The following GDA variants were observed in gnomAD, a reference collection of about 807,000 sequenced individuals.
GDA encodes guanine deaminase.
A neutral mutation model predicts 59.6 loss-of-function variants in GDA; 18 were observed. The ratio of observed to expected loss-of-function variants is 0.30; its 90% CI spans 0.21 to 0.45. The LOEUF is 0.45. Ranked by LOEUF, GDA falls within the 20% of genes least tolerant of loss-of-function variation. GDA has a pLI of 1.00. For synonymous variants in GDA, 201 were observed against 201.1 expected, an observed-to-expected ratio of 1.00 and a Z score of 0.00; for missense variants, 427 against 552.3, an observed-to-expected ratio of 0.77 and a Z score of 2.27.
intron 1 of GDA, among the ~76,000 whole-genome samples, chr9:72,140,380 G>A (rs1384294440): frequency 6.6e-6 from 1 of 152,178 alleles, no homozygotes; most frequent in African/African-American, 2.4e-5. Context: ...GAAGGGAAGA[G>A]CGGGAAAAGA....
intron 4 of GDA, 71 bp downstream of exon 4, chr9:72,210,845 T>G (rs1835267490): frequency 2.1e-6 from 2 of 954,828 alleles, no homozygotes; most frequent in Non-Finnish European, 3.4e-6. Flanking sequence ...AAACAACTTA[T>G]ATGTACTTTT....
chr9:72,117,910 T>C (rs1395913475), intron 1 of GDA, among the ~76,000 whole-genome samples: 4 of 152,048 alleles, frequency 2.6e-5, no homozygotes, highest in African/African-American at 9.7e-5. Context: ...ATTCTAGGGG[T>C]CTTTGTACTG....
chr9:72,117,560 A>G (rs1274440709), intron 1 of GDA, among the ~76,000 whole-genome samples: 1 of 152,190 alleles, frequency 6.6e-6, no homozygotes, highest in Non-Finnish European at 1.5e-5. Context: ...GGTTCTAGAT[A>G]TCACAAGGAG....
chr9:72,223,382 G>C (rs1398295300), intron 7 of GDA, among the ~76,000 whole-genome samples, 155 bp downstream of exon 7: 1 of 152,178 alleles, frequency 6.6e-6, no homozygotes, highest in Non-Finnish European at 1.5e-5. Flanking sequence ...GGAGAGAAAG[G>C]ACCCCTGTAG....
intron 11 of GDA, among the ~76,000 whole-genome samples, chr9:72,242,343 C>G (rs1232305968): frequency 6.6e-6 from 1 of 152,200 alleles, no homozygotes; most frequent in Non-Finnish European, 1.5e-5. Context: ...TTTCCCAATT[C>G]TCACGTGTAA....
chr9:72,119,215 C>T (rs1239729134), intron 1 of GDA, among the ~76,000 whole-genome samples: 1 of 152,058 alleles, frequency 6.6e-6, no homozygotes, highest in Non-Finnish European at 1.5e-5. Flanking sequence ...TAAATGTTAG[C>T]ATATTTGGGC....
downstream of GDA, among the ~76,000 whole-genome samples, chr9:72,258,523 G>A (rs759272049): frequency 1.3e-5 from 2 of 152,188 alleles, no homozygotes; most frequent in Non-Finnish European, 2.9e-5. Flanking sequence ...TACCACTGGG[G>A]GAGAGTCTTC....
intron 3 of GDA, among the ~76,000 whole-genome samples, chr9:72,209,764 A>T (rs999266670): frequency 6.6e-6 from 1 of 152,128 alleles, no homozygotes; most frequent in African/African-American, 2.4e-5. Flanking sequence ...GAAGGCAGTG[A>T]ATTTGGGTCC....
intron 1 of GDA, among the ~76,000 whole-genome samples, chr9:72,187,962 T>C (rs1343629559): frequency 6.6e-6 from 1 of 152,126 alleles, no homozygotes; most frequent in Non-Finnish European, 1.5e-5. Context: ...AAGGTGGAAT[T>C]TAAAAGTGAT....
chr9:72,140,365 A>T (rs1391398442), intron 1 of GDA, among the ~76,000 whole-genome samples: 1 of 152,030 alleles, frequency 6.6e-6, no homozygotes, highest in Non-Finnish European at 1.5e-5. Context: ...TGGAAGAGAG[A>T]AGGAGAAGGG....
intron 1 of GDA, among the ~76,000 whole-genome samples, chr9:72,174,121 G>A (rs1333962233): frequency 1.3e-5 from 2 of 152,078 alleles, no homozygotes; most frequent in East Asian, 3.9e-4. Flanking sequence ...ACACTTCAAG[G>A]TTCTCTGGAG....
At chr9:72,216,674 A>G (rs895899737) in intron 5 of GDA, among the ~76,000 whole-genome samples, 1 of 144,922 alleles carries the variant, frequency 6.9e-6, no homozygotes, top group African/African-American at 2.5e-5. Context: ...GAAGTAGGAA[A>G]AACTATTTTT....
chr9:72,198,261 C>T (rs976912886), intron 2 of GDA, among the ~76,000 whole-genome samples: 2 of 148,548 alleles, frequency 1.3e-5, no homozygotes, highest in East Asian at 2.0e-4. Context: ...AGGTGTGGGC[C>T]GGGTGCGGTG....
intron 1 of GDA, among the ~76,000 whole-genome samples, chr9:72,129,000 T>C (rs1372523483): frequency 6.6e-6 from 1 of 152,144 alleles, no homozygotes; most frequent in Non-Finnish European, 1.5e-5. Context: ...TTTCGCTGTT[T>C]TGCCCAGGCT....
At chr9:72,217,935 A>G (rs777522245) in intron 5 of GDA, among the ~76,000 whole-genome samples, 1 of 150,908 alleles carries the variant, frequency 6.6e-6, no homozygotes, top group Non-Finnish European at 1.5e-5. Flanking sequence ...TTTTTTTTAG[A>G]TGGAGTCTTC....
At chr9:72,196,275 G>A (rs912381469) in intron 2 of GDA, among the ~76,000 whole-genome samples, 5 of 152,068 alleles carry the variant, frequency 3.3e-5, no homozygotes, top group Middle Eastern at 3.4e-3. Context: ...GAGATCAGGA[G>A]TTCAAGACCA....
intron 12 of GDA, 140 bp from the exon 13 acceptor site, chr9:72,247,266 C>G: frequency 1.4e-6 from 1 of 699,408 alleles, no homozygotes. Context: ...ATAGCCACTT[C>G]TTTTTTAATT....
At chr9:72,258,117 C>T (rs1217652639), downstream of GDA, among the ~76,000 whole-genome samples, 2 of 151,582 alleles carry the variant, frequency 1.3e-5, no homozygotes, top group Non-Finnish European at 2.9e-5. Flanking sequence ...TTGAGACCAG[C>T]CTGGGCAACA....
At chr9:72,194,553 G>A (rs1197638991) in intron 1 of GDA, among the ~76,000 whole-genome samples, 1 of 152,056 alleles carries the variant, frequency 6.6e-6, no homozygotes, top group East Asian at 1.9e-4. Flanking sequence ...CTCTTTTGGA[G>A]CCATGAGCTG....
Sources: allele counts gnomAD v4.1 joint callset (sites outside exome capture counted in the v4.1 genomes callset), GRCh38; gene constraint gnomAD v4.1.1; transcripts MANE v1.5; gene names NCBI Gene and HGNC (gene_info 2026-07-23, HGNC 2026-07-21).